CCL24: variants seen among roughly 807,000 people sequenced by gnomAD.
CCL24 encodes C-C motif chemokine 24.
Under a neutral mutation model 8.6 loss-of-function variants are expected in CCL24, and 6 were observed. The observed-to-expected ratio is 0.70, with a 90% CI of 0.38 to 1.38. The LOEUF (loss-of-function observed/expected upper bound fraction) is 1.38. Among genes scored for constraint, CCL24 ranks in the 40% most tolerant of loss-of-function variants. The probability of loss-of-function intolerance (pLI) is 0.02; values close to 1 mark genes in which losing one functional copy is unlikely to be tolerated. For missense variants in CCL24, 126 were observed against 147.1 expected, an observed-to-expected ratio of 0.86 and a Z score of 0.74; for synonymous variants, 59 against 52.7, an observed-to-expected ratio of 1.12 and a Z score of -0.52.
intron 2 of CCL24, 39 bp from the exon 3 acceptor site, chr7:75,812,003 A>G (rs1803775011): frequency 6.3e-7 from 1 of 1,589,578 alleles, no homozygotes; most frequent in Non-Finnish European, 8.6e-7. Context: ...TGAGGTCGAC[A>G]GGGACCTTGG....
chr7:75,813,476 C>G, intron 1 of CCL24, 53 bp from the exon 2 acceptor site: 3 of 1,414,556 alleles, frequency 2.1e-6, no homozygotes, highest in Non-Finnish European at 3.0e-6. Flanking sequence ...CCCCTTGGCT[C>G]TGGGCCTCAG....
intron 1 of CCL24, among the ~76,000 whole-genome samples, chr7:75,819,730 C>CAAAG (rs1443252900): frequency 6.6e-6 from 1 of 151,692 alleles, no homozygotes; most frequent in South Asian, 2.1e-4. Flanking sequence ...CACACACACA[C>CAAAG]AAAGAAAGAA....
chr7:75,813,473 G>A, intron 1 of CCL24, 50 bp from the exon 2 acceptor site: 2 of 1,418,418 alleles, frequency 1.4e-6, no homozygotes, highest in South Asian at 2.3e-5. Context: ...CCTCCCCTTG[G>A]CTCTGGGCCT....
upstream of CCL24, among the ~76,000 whole-genome samples, chr7:75,816,385 G>A (rs144588482): frequency 2.0e-5 from 3 of 152,192 alleles, no homozygotes; most frequent in African/African-American, 7.2e-5. Flanking sequence ...GAAAAATGCT[G>A]AGAGCCCAAC....
At chr7:75,820,148 C>CCTTCTCCTTCTCCTT (rs1344848436) in intron 1 of CCL24, among the ~76,000 whole-genome samples, 5 of 98,218 alleles carry the variant, frequency 5.1e-5, no homozygotes, top group African/African-American at 1.4e-4. Flanking sequence ...TCCTCCTCCT[C>CCTTCTCCTTCTCCTT]CTCCTTCTCC....
rs143309023 is a variant in CCL24 at position 75,811,838 on chromosome 7, C to T, written c.318G>A (p.Lys106=). 1.9e-6 allele frequency: 3 copies of T among 1,613,308 alleles called. No homozygotes were observed. In the African/African-American group the frequency reaches 4.0e-5, roughly 22 times the overall value. Residue 106 remains lysine, a synonymous_variant, in exon 3 of 3, where the codon AAG becomes AAA. Coordinates refer to ENST00000222902, the MANE Select transcript of CCL24 (RefSeq NM_002991.3). The part of the protein sequence containing the change: ...ASPRARAVAV[K]GPVQRYPGNQ... ...TGCCAGGATATCTCTGGACAGGGCC[C>T]TTGACAGCCACTGCCCTGGCCCTAG...
At position 75,820,075 on chromosome 7, in the gene CCL24, T is replaced by TC. The variant is rs1804000940; in HGVS notation, c.-60+3246dup. Among the ~76,000 whole-genome samples the TC allele has an allele frequency of 3.5e-5, 5 of 142,444 alleles. No homozygotes were observed. The South Asian group carries it at 1.2e-3, about 35-fold the overall frequency. The allele number at this position is 142,444 out of a possible 152,430, so 93.4% of individuals were successfully genotyped here. A position where few individuals can be genotyped will look rare whatever the true frequency, so the allele number is the denominator to read the frequency against. ...TTCTTCTTCTTCTTCTTCTTCTTCTTCTTCTTCTTCTTCCTCTTCTTCTTC... is the reference window on the plus strand; with the variant it reads ...TTCTTCTTCTTCTTCTTCTTCTTCTTCCTTCTTCTTCTTCCTCTTCTTCTTC... On this transcript the variant is annotated intron_variant, in intron 1 of 3. Transcript: ENST00000416943.
intron 1 of CCL24, among the ~76,000 whole-genome samples, chr7:75,820,425 C>T (rs996317925): frequency 2.0e-5 from 3 of 152,152 alleles, no homozygotes; most frequent in Non-Finnish European, 4.4e-5. Flanking sequence ...AGGTGATCTG[C>T]CAGCCTTGGC....
chr7:75,817,996 A>C (rs568426558), upstream of CCL24, among the ~76,000 whole-genome samples: 1 of 151,504 alleles, frequency 6.6e-6, no homozygotes, highest in Non-Finnish European at 1.5e-5. Flanking sequence ...ATGCCTGGCT[A>C]ATTTTTATAT....
chr7:75,820,796 T>TATCC (rs1804030827), intron 1 of CCL24, among the ~76,000 whole-genome samples: 2 of 145,312 alleles, frequency 1.4e-5, no homozygotes, highest in African/African-American at 2.6e-5. Context: ...TCTACTCATC[T>TATCC]ATCCATCCAT....
chr7:75,814,409 T>TA (rs1803842920), upstream of CCL24, among the ~76,000 whole-genome samples: 1 of 151,792 alleles, frequency 6.6e-6, no homozygotes. Context: ...CTATAAAAAA[T>TA]AAAAAAATTA....
At chr7:75,812,902 C>G (rs1270267100) in intron 2 of CCL24, among the ~76,000 whole-genome samples, 1 of 151,278 alleles carries the variant, frequency 6.6e-6, no homozygotes, top group East Asian at 1.9e-4. Context: ...TGCACTCCAG[C>G]TTGGGTGATA....
chr7:75,823,055 G>A (rs1293166518), intron 1 of CCL24, among the ~76,000 whole-genome samples: 1 of 152,122 alleles, frequency 6.6e-6, no homozygotes, highest in Non-Finnish European at 1.5e-5. Context: ...GACTCTCACG[G>A]CCACCAGCTT....
At chr7:75,816,429 C>T (rs112767109), upstream of CCL24, among the ~76,000 whole-genome samples, 1 of 152,204 alleles carries the variant, frequency 6.6e-6, no homozygotes, top group Non-Finnish European at 1.5e-5. Context: ...CTGCCCCTGT[C>T]TGCCTTCACC....
chr7:75,816,845 A>C (rs1803902508), upstream of CCL24, among the ~76,000 whole-genome samples: 1 of 135,084 alleles, frequency 7.4e-6, no homozygotes, highest in South Asian at 2.4e-4. Context: ...TACAGGTGTG[A>C]GCCACTGCAC....
At chr7:75,817,412 A>T (rs568273088), upstream of CCL24, among the ~76,000 whole-genome samples, 1 of 149,846 alleles carries the variant, frequency 6.7e-6, no homozygotes, top group African/African-American at 2.4e-5. Flanking sequence ...GCAGAAGGTC[A>T]TTGGGTGGGA....
chr7:75,813,524 C>T, intron 1 of CCL24, 101 bp from the exon 2 acceptor site: 3 of 1,244,492 alleles, frequency 2.4e-6, no homozygotes, highest in South Asian at 2.4e-5. Context: ...ACCGCCAGTC[C>T]ATTCACTGGG....
rs11465293 is a variant in CCL24, at chr7:75,813,405, G to A, written c.92C>T (p.Ser31Phe). The change falls in exon 2 of 3, where the codon TCT (serine) becomes TTT (phenylalanine). Residue 31 changes from serine to phenylalanine, a missense_variant. Coordinates refer to ENST00000222902, the MANE Select transcript of CCL24 (RefSeq NM_002991.3). ...IIPTGSVVIPSPCCMFFVSKR... is the reference protein window; with the variant it reads ...IIPTGSVVIPFPCCMFFVSKR... ...GGAAACAAAGAACATGCAGCAGGGA[G>A]AGGGGATGACCACAGAGCCTAGAAG... 0.039 allele frequency: 62,464 copies of A among 1,611,472 alleles called. 1,404 individuals carry two copies. Among genetic ancestry groups the A allele is most frequent in the African/African-American group, 0.04 (2,965 of 74,978 alleles).
intron 1 of CCL24, among the ~76,000 whole-genome samples, chr7:75,822,481 C>T (rs1585032998): frequency 6.6e-6 from 1 of 152,196 alleles, no homozygotes; most frequent in Non-Finnish European, 1.5e-5. Context: ...CCCTAAAGCC[C>T]TACATGGCTC....
Sources: allele counts gnomAD v4.1 joint callset (sites outside exome capture counted in the v4.1 genomes callset), GRCh38; gene constraint gnomAD v4.1.1; transcripts MANE v1.5; gene names NCBI Gene and HGNC (gene_info 2026-07-23, HGNC 2026-07-21).